MYOF: variants seen among roughly 807,000 people sequenced by gnomAD.
The protein encoded by MYOF is myoferlin.
In MYOF, 244 loss-of-function variants were observed where a neutral mutation model predicts 284.2. That is an observed-to-expected ratio of 0.86 (90% CI 0.77 to 0.95). The LOEUF is 0.95. Ranked by LOEUF, MYOF falls within the 40% of genes least tolerant of loss-of-function variation. The probability of loss-of-function intolerance (pLI) is 0.00; values close to 1 mark genes in which losing one functional copy is unlikely to be tolerated. For synonymous variants in MYOF, 904 were observed against 919.7 expected, an observed-to-expected ratio of 0.98 and a Z score of 0.31; for missense variants, 2,496 against 2,560.6, an observed-to-expected ratio of 0.97 and a Z score of 0.54.
Position 93,399,515 on chromosome 10 carries a change from C to T in MYOF, c.1118-20G>A, listed in dbSNP as rs773004236. 1.3e-6 allele frequency: 2 copies of T among 1,552,654 alleles called. No homozygotes were observed. The highest frequency in any genetic ancestry group is 4.5e-5 in the East Asian group (2 of 44,592). On this transcript the variant is annotated intron_variant, in intron 12 of 53. Coordinates refer to ENST00000359263, the MANE Select transcript of MYOF (RefSeq NM_013451.4). ...CATCCACTGGAAGGTAATAGTTATA[C>T]AGCAGAAATTAAATTCAATTCCCAG...
In MYOF at chr10:93,470,150, C is replaced by T. The variant is rs533099682; in HGVS notation, c.88+11957G>A. Among the ~76,000 whole-genome samples, 6 of 150,274 alleles carry T rather than the reference C, an allele frequency of 4.0e-5. No individual in the cohort carries two copies. In the South Asian group the frequency reaches 1.1e-3, roughly 26 times the overall value. On this transcript the variant is annotated intron_variant, in intron 1 of 53. Transcript: ENST00000359263. ...AGGCTGAGGTAGGAGAATCGCTTGA[C>T]CCCAGGAGGTGGAGGTTGCAGTGAG...
chr10:93,409,891 G>C (rs1847828294), intron 5 of MYOF, 152 bp from the exon 6 acceptor site: 2 of 934,312 alleles, frequency 2.1e-6, no homozygotes, highest in East Asian at 4.9e-5. Flanking sequence ...ACACTGACTT[G>C]GGACTTCTTG....
chr10:93,469,098 C>G (rs1476217637), intron 1 of MYOF, among the ~76,000 whole-genome samples: 1 of 152,080 alleles, frequency 6.6e-6, no homozygotes, highest in Non-Finnish European at 1.5e-5. Flanking sequence ...TTGTGGAGAA[C>G]AGATAAGATT....
chr10:93,468,565 A>T (rs1303960236), intron 1 of MYOF, among the ~76,000 whole-genome samples: 1 of 152,238 alleles, frequency 6.6e-6, no homozygotes, highest in African/African-American at 2.4e-5. Context: ...AAACAAATGC[A>T]AAGCGCGGAG....
intron 39 of MYOF, chr10:93,338,196 A>C: frequency 6.1e-6 from 3 of 495,312 alleles, no homozygotes; most frequent in Middle Eastern, 5.8e-4. Context: ...ACAGTCTATT[A>C]ATTTGTTGGT....
chr10:93,439,752 G>T (rs140150596), intron 3 of MYOF, among the ~76,000 whole-genome samples: 90 of 152,298 alleles, frequency 5.9e-4, no homozygotes, highest in African/African-American at 2.0e-3. Context: ...CAGACACTAT[G>T]CTAGAAAAAG....
chr10:93,322,829 A>G (rs1455282845), intron 48 of MYOF, among the ~76,000 whole-genome samples: 1 of 152,210 alleles, frequency 6.6e-6, no homozygotes, highest in Non-Finnish European at 1.5e-5. Context: ...CCATTTTGTC[A>G]AAAAGGAAAC....
chr10:93,435,155 T>G (rs1849062500), intron 3 of MYOF, among the ~76,000 whole-genome samples: 1 of 152,228 alleles, frequency 6.6e-6, no homozygotes, highest in African/African-American at 2.4e-5. Flanking sequence ...ACCCTAGGAC[T>G]AAGACAGCAA....
chr10:93,407,758 AT>A (rs1193433119), intron 7 of MYOF, among the ~76,000 whole-genome samples: 2 of 136,828 alleles, frequency 1.5e-5, no homozygotes, highest in Admixed American at 7.6e-5. Flanking sequence ...AAAAAAAAAA[AT>A]TTATCAGTAT....
rs1465621679 is a variant in MYOF at position 93,396,244 on chromosome 10, AAAAAAAT to A, written c.1335-27_1335-21del. ...CGGTCCCTGTGTAAAAAATAAAAAT[AAAAAAAT>A]AAAAAATAAAAGGTTCAGAGCTCCA... On this transcript the variant is annotated intron_variant, in intron 15 of 53. Transcript: ENST00000359263. The A allele has an allele frequency of 6.6e-7, 1 of 1,515,240 alleles. No individual in the cohort carries two copies. Among genetic ancestry groups the A allele is most frequent in the Non-Finnish European group, 9.0e-7 (1 of 1,115,970 alleles). 93.9% of individuals were successfully genotyped at this position (1,515,240 alleles called of 1,614,324 possible). A position where few individuals can be genotyped will look rare whatever the true frequency, so the allele number is the denominator to read the frequency against.
intron 3 of MYOF, among the ~76,000 whole-genome samples, chr10:93,442,683 T>G (rs2056304770): frequency 1.3e-5 from 2 of 152,228 alleles, no homozygotes; most frequent in Non-Finnish European, 2.9e-5. Flanking sequence ...CACAAGTACA[T>G]GTATTTGGAG....
intron 1 of MYOF, among the ~76,000 whole-genome samples, chr10:93,465,091 C>G (rs1490332459): frequency 2.0e-5 from 3 of 152,198 alleles, no homozygotes; most frequent in African/African-American, 7.2e-5. Flanking sequence ...ATCTTCACAA[C>G]TCTAACAGAT....
At chr10:93,365,931 C>T (rs569116170) in intron 26 of MYOF, among the ~76,000 whole-genome samples, 94 of 152,282 alleles carry the variant, frequency 6.2e-4, no homozygotes, top group East Asian at 1.9e-4. Flanking sequence ...TGTGGGAATT[C>T]GGGCATGAAA....
At chr10:93,371,065 G>GA (rs35273811) in intron 24 of MYOF, among the ~76,000 whole-genome samples, 47,939 of 151,566 alleles carry the variant, frequency 0.32, 8,687 homozygotes, top group East Asian at 0.86. Context: ...TTCAAAGTGT[G>GA]TTTTTTTCAA....
chr10:93,438,992 C>G (rs1024813215), intron 3 of MYOF, among the ~76,000 whole-genome samples: 90 of 152,280 alleles, frequency 5.9e-4, no homozygotes, highest in African/African-American at 2.0e-3. Context: ...GATCCTCAAC[C>G]GTGATTCCCA....
chr10:93,340,313 A>C, intron 38 of MYOF, 149 bp from the exon 39 acceptor site: 1 of 736,048 alleles, frequency 1.4e-6, no homozygotes. Context: ...CAATGGGCTA[A>C]ATTATTTAAA....
At chr10:93,446,819 C>T (rs1044194625) in intron 3 of MYOF, among the ~76,000 whole-genome samples, 1 of 151,628 alleles carries the variant, frequency 6.6e-6, no homozygotes, top group Non-Finnish European at 1.5e-5. Flanking sequence ...CTCCCAGGTT[C>T]GAGTGATTCT....
At chr10:93,455,560 G>C (rs1270135898) in intron 2 of MYOF, among the ~76,000 whole-genome samples, 1 of 152,070 alleles carries the variant, frequency 6.6e-6, no homozygotes, top group African/African-American at 2.4e-5. Flanking sequence ...AGCTACTCAG[G>C]AGGCTGAGGT....
chr10:93,373,035 C>A lies in MYOF; in HGVS notation c.2352G>T (p.Lys784Asn). 6.2e-7 allele frequency: 1 copy of A among 1,614,188 alleles called. No individual in the cohort carries two copies. Among genetic ancestry groups the A allele is most frequent in the Non-Finnish European group, 8.5e-7 (1 of 1,180,022 alleles). The change falls in exon 24 of 54, where the codon AAG (lysine) becomes AAT (asparagine). Residue 784 changes from lysine to asparagine, a missense_variant. Lys to Asn is a moderately conservative substitution (Grantham distance 94, BLOSUM62 0). Coordinates refer to ENST00000359263, the MANE Select transcript of MYOF (RefSeq NM_013451.4). ...DIIIWMIRGEKRLAYARIPAH... is the reference protein window; with the variant it reads ...DIIIWMIRGENRLAYARIPAH... ...CGGGAATTCGTGCATAGGCCAGTCT[C>A]TTCTCTCCCCGGATCATCCAGATGA...
Sources: allele counts gnomAD v4.1 joint callset (sites outside exome capture counted in the v4.1 genomes callset), GRCh38; gene constraint gnomAD v4.1.1; transcripts MANE v1.5; gene names NCBI Gene and HGNC (gene_info 2026-07-23, HGNC 2026-07-21).